VXN: variants seen among roughly 807,000 people sequenced by gnomAD.
VXN encodes uncharacterized protein C8orf46.
VXN carries 7 observed loss-of-function variants against 23.1 expected under a neutral mutation model. That is an observed-to-expected ratio of 0.30 (90% CI 0.17 to 0.57). The LOEUF (loss-of-function observed/expected upper bound fraction) is 0.57. Among genes scored for constraint, VXN ranks in the 20% least tolerant of loss-of-function variants. The pLI, the probability that VXN is intolerant of heterozygous loss-of-function variation, is 0.91. For synonymous variants in VXN, 120 were observed against 105.8 expected (o/e 1.13, Z -0.83); for missense variants, 238 against 272.6 (o/e 0.87, Z 0.89).
chr8:66,505,605 C>A, intron 3 of VXN, 77 bp downstream of exon 3: 1 of 1,411,608 alleles, frequency 7.1e-7, no homozygotes, highest in South Asian at 1.6e-5. Context: ...AAGCCCAGGT[C>A]AGGGCAGCGT....
intron 3 of VXN, 21 bp from the exon 4 acceptor site, chr8:66,510,075 C>A: frequency 6.2e-7 from 1 of 1,608,052 alleles, no homozygotes; most frequent in Non-Finnish European, 8.5e-7. Flanking sequence ...TGAGTAATAT[C>A]TCCTCTGTTC....
intron 2 of VXN, chr8:66,505,121 C>A: frequency 3.3e-6 from 2 of 608,868 alleles, no homozygotes; most frequent in Non-Finnish European, 3.0e-6. Flanking sequence ...TGTTGAGGAA[C>A]ACCCCTGCCC....
intron 4 of VXN, among the ~76,000 whole-genome samples, chr8:66,512,231 A>T (rs1807832459): frequency 1.3e-5 from 2 of 152,240 alleles, no homozygotes; most frequent in African/African-American, 4.8e-5. Context: ...GTCCGTGCAA[A>T]GTGTGCTGGG....
intron 3 of VXN, among the ~76,000 whole-genome samples, chr8:66,507,036 A>G (rs569939543): frequency 6.6e-6 from 1 of 152,322 alleles, no homozygotes; most frequent in African/African-American, 2.4e-5. Context: ...ATGCAAAAGA[A>G]TCACCTAGGA....
intron 4 of VXN, 109 bp downstream of exon 4, chr8:66,510,266 G>A (rs1807806970): frequency 2.2e-6 from 2 of 929,378 alleles, no homozygotes; most frequent in Admixed American, 2.7e-5. Flanking sequence ...TTCCAGGCCT[G>A]AGGATTATTA....
rs1306763606 is a variant in VXN at position 66,505,535 on chromosome 8, G to A, written c.280+7G>A. 2 of 1,490,060 alleles carry A rather than the reference G, an allele frequency of 1.3e-6. No homozygotes were observed. The highest frequency in any genetic ancestry group is 2.4e-5 in the Admixed American group (1 of 41,934). The allele number at this position is 1,490,060 out of a possible 1,614,324, so 92.3% of individuals were successfully genotyped here. ...AAAGCCTCTGCCAGACCCGGTACGT[G>A]AGTCCCGGCCCCAGCTCCCCGCACC... is the stretch of plus-strand genomic sequence containing the variant. On this transcript the variant is annotated splice_region_variant and intron_variant, in intron 3 of 5. Coordinates refer to ENST00000305454, the MANE Select transcript of VXN (RefSeq NM_152765.4).
At position 66,493,605 on chromosome 8, in the gene VXN, C is replaced by CAG; in HGVS notation, c.-41_-40dup. ...TGCCTCGCGACTAGGGGTCCAGAGA[C>CAG]AGAGGCCTCCAGTTCCCAGGCACTT... On this transcript the variant is annotated 5_prime_UTR_variant, in exon 1 of 6. Coordinates refer to ENST00000305454, the MANE Select transcript of VXN (RefSeq NM_152765.4). 6.4e-7 allele frequency: 1 copy of CAG among 1,560,920 alleles called. No individual in the cohort carries two copies. The highest frequency in any genetic ancestry group is 8.8e-7 in the Non-Finnish European group (1 of 1,132,810).
intron 2 of VXN, among the ~76,000 whole-genome samples, chr8:66,496,840 A>AT (rs1245805838): frequency 1.3e-5 from 2 of 151,880 alleles, no homozygotes; most frequent in Non-Finnish European, 2.9e-5. Context: ...GTAATGTTCC[A>AT]TTTTTTTACT....
intron 3 of VXN, among the ~76,000 whole-genome samples, chr8:66,508,685 C>T (rs1188317482): frequency 2.6e-5 from 4 of 152,204 alleles, no homozygotes; most frequent in African/African-American, 9.7e-5. Flanking sequence ...CTTAACCCTG[C>T]AAGACCACCC....
rs549050847 is a variant in VXN, at chr8:66,518,115, T to C, written c.*2039T>C. 4.6e-5 allele frequency: 7 copies of C among 152,362 alleles called. No homozygotes were observed. The highest frequency in any genetic ancestry group is 9.6e-5 in the African/African-American group (4 of 41,590). 9.4% of individuals were successfully genotyped at this position (152,362 alleles called of 1,614,324 possible). A position where few individuals can be genotyped will look rare whatever the true frequency, so the allele number is the denominator to read the frequency against. On this transcript the variant is annotated 3_prime_UTR_variant, in exon 6 of 6. Coordinates refer to ENST00000305454, the MANE Select transcript of VXN (RefSeq NM_152765.4). ...TCAAAAGTCTCATTCAATAGAGATGTTGGAGTCCAGAACAAAGTTAGGGAG... is the reference window on the plus strand; with the variant it reads ...TCAAAAGTCTCATTCAATAGAGATGCTGGAGTCCAGAACAAAGTTAGGGAG...
chr8:66,510,297 CT>C (rs1309414726), intron 4 of VXN, 140 bp downstream of exon 4: 9 of 697,168 alleles, frequency 1.3e-5, no homozygotes, highest in Non-Finnish European at 2.1e-5. Context: ...ACTGGCAGTT[CT>C]TTGCTCCCAA....
At position 66,516,839 on chromosome 8, in the gene VXN, T is replaced by C. The variant is rs549278084; in HGVS notation, c.*763T>C. Reference sequence around the variant, plus strand: ...TGGAAGAAAGCACAATTATTCCCAATCTGCAGAGGGGGAAATGGAGGCCTT... The same window carrying C: ...TGGAAGAAAGCACAATTATTCCCAACCTGCAGAGGGGGAAATGGAGGCCTT... On this transcript the variant is annotated 3_prime_UTR_variant, in exon 6 of 6. Coordinates refer to ENST00000305454, the MANE Select transcript of VXN (RefSeq NM_152765.4). 6.6e-6 allele frequency: 1 copy of C among 152,322 alleles called. No homozygotes were observed. Among genetic ancestry groups the C allele is most frequent in the African/African-American group, 2.4e-5 (1 of 41,568 alleles). 9.4% of individuals were successfully genotyped at this position (152,322 alleles called of 1,614,324 possible). A position where few individuals can be genotyped will look rare whatever the true frequency, so the allele number is the denominator to read the frequency against.
chr8:66,513,880 T>C (rs1406152499), intron 5 of VXN: 1 of 468,442 alleles, frequency 2.1e-6, no homozygotes, highest in Non-Finnish European at 3.7e-6. Context: ...ACGCCACTCT[T>C]TAGGCTTGGA....
intron 4 of VXN, among the ~76,000 whole-genome samples, chr8:66,511,365 C>T (rs1807822643): frequency 6.6e-6 from 1 of 152,202 alleles, no homozygotes; most frequent in African/African-American, 2.4e-5. Flanking sequence ...AGGCCCTCAT[C>T]GTCACAAACA....
intron 2 of VXN, among the ~76,000 whole-genome samples, chr8:66,497,251 T>C (rs541511996): frequency 2.0e-5 from 3 of 152,338 alleles, no homozygotes; most frequent in African/African-American, 7.2e-5. Flanking sequence ...GGTAAAAGGA[T>C]AAGAACAATT....
Position 66,505,363 on chromosome 8 carries a change from C to T in VXN, c.127-12C>T. 2.5e-6 allele frequency: 4 copies of T among 1,574,738 alleles called. No homozygotes were observed. Among genetic ancestry groups the T allele is most frequent in the Non-Finnish European group, 3.4e-6 (4 of 1,160,646 alleles). ...AGAGGAGTGGGCTAACCGCGTTTCC[C>T]CCGCCCGGCAGGTGGTGATCGAGTC... On this transcript the variant is annotated splice_polypyrimidine_tract_variant and intron_variant, in intron 2 of 5. Coordinates refer to ENST00000305454, the MANE Select transcript of VXN (RefSeq NM_152765.4).
chr8:66,506,940 G>C (rs935693530), intron 3 of VXN, among the ~76,000 whole-genome samples: 1 of 152,068 alleles, frequency 6.6e-6, no homozygotes. Context: ...GGGTGCATGT[G>C]TGTGTGGAAA....
At chr8:66,506,435 C>T (rs2130551036) in intron 3 of VXN, among the ~76,000 whole-genome samples, 1 of 151,536 alleles carries the variant, frequency 6.6e-6, no homozygotes, top group Non-Finnish European at 1.5e-5. Flanking sequence ...TAATGGCTTC[C>T]ACCCCAAGCA....
chr8:66,498,718 C>A, intron 2 of VXN: 1 of 381,242 alleles, frequency 2.6e-6, no homozygotes. Flanking sequence ...ATTCATGCCC[C>A]GGGAGGGGAT....
Sources: allele counts gnomAD v4.1 joint callset (sites outside exome capture counted in the v4.1 genomes callset), GRCh38; gene constraint gnomAD v4.1.1; transcripts MANE v1.5; gene names NCBI Gene and HGNC (gene_info 2026-07-23, HGNC 2026-07-21).